The following SH3D19 variants were observed in gnomAD, a reference collection of about 807,000 sequenced individuals.
SH3D19 encodes the protein SH3 domain-containing protein 19.
A neutral mutation model predicts 112.1 loss-of-function variants in SH3D19; 58 were observed. That is an observed-to-expected ratio of 0.52 (90% CI 0.42 to 0.64). The LOEUF (loss-of-function observed/expected upper bound fraction) is 0.64, where lower values mean the gene tolerates loss of function less well. Ranked by LOEUF, SH3D19 falls within the 30% of genes least tolerant of loss-of-function variation. SH3D19 has a pLI of 0.00. For synonymous variants in SH3D19, 391 were observed against 448.5 expected (o/e 0.87, Z 1.62); for missense variants, 1,090 against 1,263.4 (o/e 0.86, Z 2.08).
chr4:151,233,087 A>G (rs906422827), intron 1 of SH3D19, among the ~76,000 whole-genome samples: 9 of 152,130 alleles, frequency 5.9e-5, no homozygotes, highest in African/African-American at 1.7e-4. Flanking sequence ...TGAACCGCAC[A>G]TGGGAGGGAT....
intron 1 of SH3D19, among the ~76,000 whole-genome samples, chr4:151,270,112 A>G (rs901751782): frequency 6.6e-6 from 1 of 152,142 alleles, no homozygotes; most frequent in African/African-American, 2.4e-5. Flanking sequence ...GATTAAAAGT[A>G]TAGCATAATA....
At chr4:151,196,254 T>C (rs900405768) in intron 2 of SH3D19, among the ~76,000 whole-genome samples, 1 of 152,082 alleles carries the variant, frequency 6.6e-6, no homozygotes, top group African/African-American at 2.4e-5. Context: ...GAGACCCTTA[T>C]CTCTACAAAA....
chr4:151,286,200 A>AAAACAAC (rs1554067176), intron 1 of SH3D19, among the ~76,000 whole-genome samples: 1 of 144,068 alleles, frequency 6.9e-6, no homozygotes, highest in Non-Finnish European at 1.5e-5. Flanking sequence ...AAAAAAAAAA[A>AAAACAAC]AAAACAACTA....
chr4:151,168,854 A>G (rs564513280), intron 7 of SH3D19, among the ~76,000 whole-genome samples: 2 of 152,304 alleles, frequency 1.3e-5, no homozygotes, highest in East Asian at 3.9e-4. Flanking sequence ...TTGAGCATGT[A>G]ATGACTTAAA....
intron 1 of SH3D19, among the ~76,000 whole-genome samples, chr4:151,288,134 G>A (rs1169765961): frequency 6.6e-6 from 1 of 151,234 alleles, no homozygotes; most frequent in East Asian, 1.9e-4. Flanking sequence ...TTTTCAACTC[G>A]ATCAAGTGCA....
chr4:151,302,838 G>A (rs1439554444), intron 1 of SH3D19, among the ~76,000 whole-genome samples: 2 of 151,440 alleles, frequency 1.3e-5, no homozygotes, highest in Non-Finnish European at 2.9e-5. Flanking sequence ...TGGACACAGG[G>A]TGGGGAACAT....
At chr4:151,305,490 A>C (rs963697851) in intron 1 of SH3D19, among the ~76,000 whole-genome samples, 2 of 152,220 alleles carry the variant, frequency 1.3e-5, no homozygotes, top group African/African-American at 4.8e-5. Flanking sequence ...CCAATTTTTA[A>C]ATGTGCAAAG....
chr4:151,266,457 T>C (rs969250358), intron 1 of SH3D19, among the ~76,000 whole-genome samples: 1 of 152,232 alleles, frequency 6.6e-6, no homozygotes, highest in Admixed American at 6.5e-5. Flanking sequence ...TTTGTTCTCA[T>C]TGTAAACCTC....
Position 151,280,063 on chromosome 4 carries a change from C to G in SH3D19, c.112+45178G>C. 2 of 1,309,374 alleles carry G rather than the reference C, an allele frequency of 1.5e-6. 1 individual carries two copies. The allele number at this position is 1,309,374 out of a possible 1,614,324, so 81.1% of individuals were successfully genotyped here. A position where few individuals can be genotyped will look rare whatever the true frequency, so the allele number is the denominator to read the frequency against. Reference sequence around the variant, plus strand: ...AATGAAAGTGGTAAAATAGGCAGGGCGGAAGGAAACCCAGGTCATGTCAGA... The same window carrying G: ...AATGAAAGTGGTAAAATAGGCAGGGGGGAAGGAAACCCAGGTCATGTCAGA... On this transcript the variant is annotated intron_variant, in intron 1 of 19. Transcript: ENST00000604030.
chr4:151,275,616 C>G (rs2150001030), intron 1 of SH3D19, among the ~76,000 whole-genome samples: 1 of 151,964 alleles, frequency 6.6e-6, no homozygotes, highest in African/African-American at 2.4e-5. Flanking sequence ...GAACTACTGA[C>G]TTCAAGTGAT....
intron 1 of SH3D19, among the ~76,000 whole-genome samples, chr4:151,293,495 A>G (rs1248731701): frequency 1.3e-5 from 2 of 151,826 alleles, no homozygotes; most frequent in Admixed American, 6.6e-5. Flanking sequence ...AAGTAAGGGT[A>G]GATTTGGAAA....
intron 3 of SH3D19, among the ~76,000 whole-genome samples, chr4:151,182,402 C>T (rs1404939721): frequency 6.6e-6 from 1 of 152,172 alleles, no homozygotes; most frequent in African/African-American, 2.4e-5. Flanking sequence ...AAAGGTAATT[C>T]AGTAGTCGAT....
chr4:151,270,047 T>C, intron 1 of SH3D19, among the ~76,000 whole-genome samples: 1 of 152,148 alleles, frequency 6.6e-6, no homozygotes, highest in East Asian at 1.9e-4. Context: ...CCTAAAGCTG[T>C]TTTGCAGTTA....
At chr4:151,311,879 G>A (rs938037188) in intron 1 of SH3D19, among the ~76,000 whole-genome samples, 1 of 152,134 alleles carries the variant, frequency 6.6e-6, no homozygotes, top group Admixed American at 6.5e-5. Context: ...TGGTTACCAG[G>A]AGTTGTGAGG....
intron 1 of SH3D19, among the ~76,000 whole-genome samples, chr4:151,255,747 G>A (rs574876785): frequency 4.3e-4 from 65 of 152,370 alleles, no homozygotes; most frequent in African/African-American, 1.5e-3. Flanking sequence ...ATTGAGCACT[G>A]AGTGAACGAG....
At chr4:151,209,612 T>C (rs1161934329) in intron 2 of SH3D19, among the ~76,000 whole-genome samples, 1 of 152,236 alleles carries the variant, frequency 6.6e-6, no homozygotes, top group Non-Finnish European at 1.5e-5. Flanking sequence ...CATTTTGGAT[T>C]GCCCTAGAAA....
intron 1 of SH3D19, among the ~76,000 whole-genome samples, chr4:151,259,255 A>C (rs1395570641): frequency 6.6e-6 from 1 of 152,142 alleles, no homozygotes; most frequent in Non-Finnish European, 1.5e-5. Flanking sequence ...CATTCTTGTC[A>C]GTTTTACTTC....
chr4:151,160,556 AGT>A (rs984549859), intron 8 of SH3D19, among the ~76,000 whole-genome samples: 1 of 152,226 alleles, frequency 6.6e-6, no homozygotes, highest in African/African-American at 2.4e-5. Context: ...AATTAAAATG[AGT>A]GTGCAAAAAC....
At chr4:151,307,898 C>A (rs557902761) in intron 1 of SH3D19, among the ~76,000 whole-genome samples, 2 of 152,138 alleles carry the variant, frequency 1.3e-5, no homozygotes, top group East Asian at 3.8e-4. Flanking sequence ...CTACGTTAAA[C>A]CATCTTTATT....
Sources: gnomAD v4.1 joint callset for allele counts (sites outside exome capture counted in the v4.1 genomes callset) on GRCh38, gnomAD v4.1.1 for gene constraint, MANE v1.5 for transcripts, NCBI Gene and HGNC (gene_info 2026-07-23, HGNC 2026-07-21) for gene names.